SUGP2: variants seen among roughly 807,000 people sequenced by gnomAD.
SUGP2 encodes the protein SURP and G-patch domain containing 2, also known as SURP and G-patch domain-containing protein 2.
In SUGP2, 24 loss-of-function variants were observed where a neutral mutation model predicts 90.5. That is an observed-to-expected ratio of 0.27 (90% CI 0.19 to 0.37). The LOEUF (loss-of-function observed/expected upper bound fraction) is 0.37. SUGP2 is among the 10% of genes least tolerant of loss of function. SUGP2 has a pLI of 1.00. For synonymous variants in SUGP2, 473 were observed against 513.4 expected (o/e 0.92, Z 1.06); for missense variants, 1,233 against 1,363.3 (o/e 0.90, Z 1.51).
At chr19:19,023,277 C>A (rs1276433860) in intron 3 of SUGP2, among the ~76,000 whole-genome samples, 1 of 152,186 alleles carries the variant, frequency 6.6e-6, no homozygotes, top group East Asian at 1.9e-4. Flanking sequence ...TAGACTGGAG[C>A]CTCTCCTGTG....
chr19:19,017,162 G>C (rs552195174), intron 4 of SUGP2, among the ~76,000 whole-genome samples: 11 of 152,308 alleles, frequency 7.2e-5, no homozygotes, highest in African/African-American at 2.4e-4. Context: ...TGCAGCCTGG[G>C]CAACAGAGTG....
Position 19,001,673 on chromosome 19 carries a change from G to C in SUGP2, c.2931C>G (p.Val977=). The stretch of plus-strand genomic sequence containing the variant: ...CATAGGCAATTCGAACTGGTTCATG[G>C]ACTAGAAGACAAAAGAAAGAGACAC... ...KRVCLIQEPK[V]HEPVRIAYDR... Residue 977 remains valine, a splice_region_variant and synonymous_variant, in exon 8 of 11, where the codon GTC becomes GTG. Transcript: ENST00000452918. 3 of 1,614,170 alleles carry C rather than the reference G, an allele frequency of 1.9e-6. No homozygotes were observed. The highest frequency in any genetic ancestry group is 1.1e-5 in the South Asian group (1 of 91,084).
chr19:19,029,096 A>C (rs536513399), intron 2 of SUGP2, among the ~76,000 whole-genome samples: 1 of 152,172 alleles, frequency 6.6e-6, no homozygotes, highest in East Asian at 1.9e-4. Context: ...TTCCTGCCTC[A>C]GCCTCCCAAG....
At position 19,024,693 on chromosome 19, in the gene SUGP2, A is replaced by G. The variant is rs10404860; in HGVS notation, c.1655T>C (p.Met552Thr). The change falls in exon 3 of 11, where the codon ATG becomes ACG. Residue 552 changes from methionine (M) to threonine (T), a missense_variant. Transcript: ENST00000452918. Reference protein sequence around the residue: ...LQVKKAEPEPMREEEKMIPPT... With the variant: ...LQVKKAEPEPTREEEKMIPPT... Reference sequence around the variant, plus strand: ...AGGAATCATTTTCTCCTCCTCTCGCATCGGCTCTGGTTCGGCTTTCTTAAC... The same window carrying G: ...AGGAATCATTTTCTCCTCCTCTCGCGTCGGCTCTGGTTCGGCTTTCTTAAC... 11,548 of 1,614,170 alleles carry G rather than the reference A, an allele frequency of 7.2e-3. 628 individuals carry two copies. The African/African-American group carries it at 0.13, about 18-fold the overall frequency.
chr19:18,998,576 CTG>C (rs201253179), intron 8 of SUGP2, among the ~76,000 whole-genome samples: 3 of 151,862 alleles, frequency 2.0e-5, no homozygotes, highest in African/African-American at 4.9e-5. Context: ...TATAAAGTAG[CTG>C]TGTGTGTGTA....
chr19:19,027,256 C>T lies in SUGP2; in HGVS notation c.122-1030G>A, dbSNP rs550997629. 2.0e-5 allele frequency among the ~76,000 whole-genome samples: 3 copies of T among 152,192 alleles called. No individual in the cohort carries two copies. In the East Asian group the frequency reaches 5.8e-4, roughly 29 times the overall value. ...CTCAGGGAGAGTTTTCATGGAATGC[C>T]TTTCTTTCTAGCTTTTCAATCAGAA... is the stretch of plus-strand genomic sequence containing the variant. On this transcript the variant is annotated intron_variant, in intron 2 of 10. Transcript: ENST00000452918.
rs146771210 is a variant in SUGP2, at chr19:19,002,394, G to C, written c.2930-720C>G. ...AGAGTCCATCTCAAAAAAAAAAAAA[G>C]AATTAAAGTCTGCCTAAAACTTTCT... is the stretch of plus-strand genomic sequence containing the variant. On this transcript the variant is annotated intron_variant, in intron 7 of 10. Transcript: ENST00000452918. Among the ~76,000 whole-genome samples the C allele has an allele frequency of 8.0e-3, 1,180 of 147,036 alleles. 13 individuals are homozygous for C. The highest frequency in any genetic ancestry group is 0.028 in the African/African-American group (1,142 of 40,248).
rs530499649 is a variant in SUGP2, at chr19:19,013,930, G to A, written c.1851-3588C>T. Among the ~76,000 whole-genome samples the A allele has an allele frequency of 6.6e-4, 101 of 152,358 alleles. 7 individuals are homozygous for A. The South Asian group carries it at 0.021, about 31-fold the overall frequency. Reference sequence around the variant, plus strand: ...CTCTCATAGAAAAGGACGGAAGCCTGCCCCTTGGTGTTCCAAACAAGGAAG... The same window carrying A: ...CTCTCATAGAAAAGGACGGAAGCCTACCCCTTGGTGTTCCAAACAAGGAAG... On this transcript the variant is annotated intron_variant, in intron 4 of 10. Transcript: ENST00000452918.
intron 9 of SUGP2, chr19:18,994,883 G>C: frequency 1.7e-6 from 1 of 579,960 alleles, no homozygotes; most frequent in Non-Finnish European, 3.1e-6. Context: ...ATACCACTTA[G>C]CTTTTATGAT....
intron 8 of SUGP2, among the ~76,000 whole-genome samples, chr19:18,998,241 C>T (rs1437394752): frequency 6.6e-6 from 1 of 152,240 alleles, no homozygotes; most frequent in East Asian, 1.9e-4. Flanking sequence ...TTTGAGTTTT[C>T]ATAATGTTTT....
intron 8 of SUGP2, 139 bp downstream of exon 8, chr19:19,001,473 AG>A: frequency 1.2e-6 from 1 of 848,726 alleles, no homozygotes; most frequent in Non-Finnish European, 1.9e-6. Flanking sequence ...CCAAGAGAAA[AG>A]TCTCTGTTGT....
rs763170838 is a variant in SUGP2, at chr19:19,008,299, A to AC, written c.2450+17dup. 6.3e-7 allele frequency: 1 copy of AC among 1,589,374 alleles called. No homozygotes were observed. Among genetic ancestry groups the AC allele is most frequent in the African/African-American group, 1.3e-5 (1 of 74,438 alleles). ...CTGAGAAAGAAAAAGGTGTGATGAG[A>AC]CCCGGGGGGGTACGTACCACAGGTC... On this transcript the variant is annotated intron_variant, in intron 6 of 10. Transcript: ENST00000452918.
intron 3 of SUGP2, among the ~76,000 whole-genome samples, chr19:19,020,228 G>C (rs777750960): frequency 1.3e-5 from 2 of 151,600 alleles, no homozygotes; most frequent in African/African-American, 2.4e-5. Context: ...AGGAGATCGA[G>C]ACCAGCCTGG....
In SUGP2 at chr19:19,013,831, C is replaced by T. The variant is rs117185375; in HGVS notation, c.1851-3489G>A. On this transcript the variant is annotated intron_variant, in intron 4 of 10. Coordinates refer to ENST00000452918, the MANE Select transcript of SUGP2 (RefSeq NM_001017392.5). ...GGACAATTTAGAAGATGAGAGAAAA[C>T]AAAGTATGACATATTCCTTCAGCTT... 1.2e-4 allele frequency among the ~76,000 whole-genome samples: 18 copies of T among 152,286 alleles called. 1 individual carries two copies. In the South Asian group the frequency reaches 3.5e-3, roughly 30 times the overall value.
rs751714899 is a variant in SUGP2 at position 19,024,841 on chromosome 19, C to T, written c.1507G>A (p.Gly503Ser). ...GGTGAGGGAGCTATATCTTGCAGGC[C>T]GACAGCTTCTAAGATTTTCTCCTGC... ...FRQEKILEAVGLQDIAPSPAA... is the reference protein window; with the variant it reads ...FRQEKILEAVSLQDIAPSPAA... The change falls in exon 3 of 11, where the codon GGC (glycine) becomes AGC (serine). Residue 503 changes from glycine (G) to serine (S), a missense_variant. Physicochemically the swap from Gly to Ser is moderately conservative, Grantham distance 56. Transcript: ENST00000452918. 1.2e-5 allele frequency: 19 copies of T among 1,613,986 alleles called. No individual in the cohort carries two copies. Among genetic ancestry groups the T allele is most frequent in the Admixed American group, 1.7e-5 (1 of 59,976 alleles).
Position 19,025,315 on chromosome 19 carries a change from T to C in SUGP2, c.1033A>G (p.Ile345Val), listed in dbSNP as rs2058878915. ...GTCTGGAAAAGTTGGGAAAATTTAA[T>C]ATCATCTTTTATGGTGTGGAATCCT... Reference protein sequence around the residue: ...WAGFHTIKDDIKFSQLFQTLF... With the variant: ...WAGFHTIKDDVKFSQLFQTLF... The change falls in exon 3 of 11, where the codon ATT (isoleucine) becomes GTT (valine). Residue 345 changes from isoleucine (I) to valine (V), a missense_variant. This residue lies in a region of SUGP2 where 55 missense variants were observed against 82.0 expected (regional missense o/e 0.67). Coordinates refer to ENST00000452918, the MANE Select transcript of SUGP2 (RefSeq NM_001017392.5). 1 of 1,613,410 alleles carries C rather than the reference T, an allele frequency of 6.2e-7. No individual in the cohort carries two copies. Among genetic ancestry groups the C allele is most frequent in the Non-Finnish European group, 8.5e-7 (1 of 1,179,832 alleles).
chr19:19,004,803 T>G (rs2057997461), intron 6 of SUGP2, among the ~76,000 whole-genome samples, 157 bp from the exon 7 acceptor site: 1 of 152,066 alleles, frequency 6.6e-6, no homozygotes, highest in African/African-American at 2.4e-5. Flanking sequence ...TGGTGCAGCC[T>G]CTCAATGATA....
chr19:19,004,347 C>T lies in SUGP2; in HGVS notation c.2750G>A (p.Gly917Asp). Residue 917 changes from glycine (G) to aspartate (D), a missense_variant, in exon 7 of 11, where the codon GGC becomes GAC. Physicochemically the swap from Gly to Asp is moderately conservative, Grantham distance 94 (BLOSUM62 -1). Transcript: ENST00000452918. ...PAPGGAGKSEGSTPADGLPGE... is the reference protein window; with the variant it reads ...PAPGGAGKSEDSTPADGLPGE... ...GGGAAGGCCGTCGGCAGGGGTGCTG[C>T]CCTCAGACTTGCCCGCCCCTCCAGG... 6.2e-7 allele frequency: 1 copy of T among 1,613,398 alleles called. No individual in the cohort carries two copies. The highest frequency in any genetic ancestry group is 1.1e-5 in the South Asian group (1 of 91,020).
chr19:19,005,870 C>T (rs1426888894), intron 6 of SUGP2, among the ~76,000 whole-genome samples: 3 of 23,546 alleles, frequency 1.3e-4, no homozygotes, highest in African/African-American at 4.7e-4. Flanking sequence ...CACACACACA[C>T]ACACACACAC....
Sources: gnomAD v4.1 joint callset for allele counts (sites outside exome capture counted in the v4.1 genomes callset) on GRCh38, gnomAD v4.1.1 for gene constraint, gnomAD v4.1.1 regional missense constraint, MANE v1.5 for transcripts, NCBI Gene and HGNC (gene_info 2026-07-23, HGNC 2026-07-21) for gene names.